The following PPEF1 variants were observed in gnomAD, a reference collection of about 807,000 sequenced individuals.
The protein encoded by PPEF1 is protein phosphatase with EF-hand domain 1.
Under a neutral mutation model 53.3 loss-of-function variants are expected in PPEF1, and 12 were observed. That is an observed-to-expected ratio of 0.23 (90% confidence interval 0.14 to 0.36). PPEF1 has a LOEUF of 0.36. Among genes scored for constraint, PPEF1 ranks in the 10% least tolerant of loss-of-function variants. The pLI is 1.00. For missense variants in PPEF1, 334 were observed against 490.4 expected (o/e 0.68, Z 3.01); for synonymous variants, 165 against 176.7 (o/e 0.93, Z 0.52).
intron 10 of PPEF1, among the ~76,000 whole-genome samples, chrX:18,792,370 T>A (rs1371912899): frequency 8.9e-6 from 1 of 112,161 alleles, no homozygotes; most frequent in Non-Finnish European, 1.9e-5. Context: ...TGTATTCAAG[T>A]TTTTTGTTTC....
At chrX:18,814,324 T>C (rs981597123) in intron 12 of PPEF1, among the ~76,000 whole-genome samples, 1 of 111,798 alleles carries the variant, frequency 8.9e-6, no homozygotes, top group Non-Finnish European at 1.9e-5. Flanking sequence ...GTGTTTTTGG[T>C]ACAATGATTT....
intron 3 of PPEF1, among the ~76,000 whole-genome samples, chrX:18,745,147 T>TA (rs1172927593): frequency 1.0e-5 from 1 of 95,400 alleles, no homozygotes; most frequent in African/African-American, 3.9e-5. Context: ...ATTATATATA[T>TA]TATATATTAT....
At chrX:18,681,472 G>T (rs1207550264), upstream of PPEF1, among the ~76,000 whole-genome samples, 2 of 111,454 alleles carry the variant, frequency 1.8e-5, no homozygotes, top group Non-Finnish European at 3.8e-5. Flanking sequence ...TGTTGAGGGT[G>T]ACTCAAGCCA....
intron 6 of PPEF1, among the ~76,000 whole-genome samples, chrX:18,767,941 G>A (rs911225247): frequency 1.9e-4 from 21 of 111,050 alleles, no homozygotes; most frequent in African/African-American, 6.5e-4. Flanking sequence ...TGATTGCTTC[G>A]GGAAATGGTA....
chrX:18,712,311 AT>A (rs1407651428), intron 1 of PPEF1, among the ~76,000 whole-genome samples: 1 of 111,733 alleles, frequency 8.9e-6, no homozygotes, highest in Non-Finnish European at 1.9e-5. Flanking sequence ...CTTTCCATCT[AT>A]TTAGATCTTT....
At chrX:18,741,147 A>G (rs1451370076) in intron 3 of PPEF1, among the ~76,000 whole-genome samples, 2 of 111,914 alleles carry the variant, frequency 1.8e-5, no homozygotes, top group African/African-American at 6.5e-5. Context: ...AGTGGGTGGA[A>G]GTGGGTACTT....
intron 1 of PPEF1, among the ~76,000 whole-genome samples, chrX:18,727,567 C>A (rs952925438): frequency 2.7e-5 from 3 of 110,387 alleles, no homozygotes; most frequent in African/African-American, 9.9e-5. Context: ...CTGCACACAC[C>A]AAGCAGCAGA....
At chrX:18,720,546 C>T (rs961903639) in intron 1 of PPEF1, among the ~76,000 whole-genome samples, 1 of 110,150 alleles carries the variant, frequency 9.1e-6, no homozygotes, top group Non-Finnish European at 1.9e-5. Context: ...GAGCCAAGAT[C>T]GCGCCACTGC....
At chrX:18,793,965 TC>T (rs1305912155) in intron 10 of PPEF1, among the ~76,000 whole-genome samples, 1 of 111,678 alleles carries the variant, frequency 9.0e-6, no homozygotes, top group Non-Finnish European at 1.9e-5. Flanking sequence ...TTAATTGGGC[TC>T]TCTTTGACTG....
chrX:18,718,623 A>G (rs1440444791), intron 1 of PPEF1, among the ~76,000 whole-genome samples: 1 of 111,524 alleles, frequency 9.0e-6, no homozygotes, highest in Non-Finnish European at 1.9e-5. Context: ...CACACAACAC[A>G]ACACAAAACC....
At chrX:18,787,896 G>A (rs1478667575) in intron 9 of PPEF1, among the ~76,000 whole-genome samples, 1 of 111,893 alleles carries the variant, frequency 8.9e-6, no homozygotes, top group Non-Finnish European at 1.9e-5. Flanking sequence ...GGTAGGCTGT[G>A]AACTAGCTAG....
upstream of PPEF1, among the ~76,000 whole-genome samples, chrX:18,705,314 G>C (rs905811711): frequency 1.8e-5 from 2 of 112,222 alleles, no homozygotes. Flanking sequence ...CTGGAGGATG[G>C]TTTGGAGTGG....
intron 4 of PPEF1, among the ~76,000 whole-genome samples, chrX:18,697,434 G>A (rs754587644): frequency 9.0e-6 from 1 of 110,721 alleles, no homozygotes; most frequent in African/African-American, 3.3e-5. Flanking sequence ...GTTAAGTACT[G>A]TAGAATATGC....
At chrX:18,786,801 GA>G (rs1219591173) in intron 9 of PPEF1, among the ~76,000 whole-genome samples, 10 of 34,304 alleles carry the variant, frequency 2.9e-4, no homozygotes, top group Non-Finnish European at 6.1e-4. Context: ...AAAAAAAAAA[GA>G]AAAGAAAAGA....
At chrX:18,774,659 C>A (rs1320521004) in intron 6 of PPEF1, among the ~76,000 whole-genome samples, 5 of 112,362 alleles carry the variant, frequency 4.4e-5, no homozygotes, top group Admixed American at 2.8e-4. Flanking sequence ...GATAGTTGAT[C>A]TCTTTACACA....
upstream of PPEF1, chrX:18,675,839 C>G (rs970437850): frequency 1.8e-5 from 2 of 108,294 alleles, no homozygotes; most frequent in African/African-American, 3.4e-5. Flanking sequence ...AAGGGTGATT[C>G]TTGTTTTTCA....
At chrX:18,715,660 AC>A (rs2044436448) in intron 1 of PPEF1, among the ~76,000 whole-genome samples, 1 of 112,137 alleles carries the variant, frequency 8.9e-6, no homozygotes, top group African/African-American at 3.2e-5. Context: ...ATTATTTCTT[AC>A]CAAAACTCTT....
intron 13 of PPEF1, 96 bp downstream of exon 13, chrX:18,818,241 C>A: frequency 2.1e-6 from 1 of 483,081 alleles, no homozygotes; most frequent in Non-Finnish European, 3.3e-6. Context: ...TTCAGTTCTC[C>A]ATTTTTACTA....
intron 6 of PPEF1, among the ~76,000 whole-genome samples, chrX:18,773,558 T>G (rs2045909883): frequency 2.7e-5 from 3 of 112,309 alleles, no homozygotes; most frequent in African/African-American, 9.7e-5. Context: ...TATTTGAAAT[T>G]TTTTCTTCTA....
Sources: gnomAD v4.1 joint callset for allele counts (sites outside exome capture counted in the v4.1 genomes callset) on GRCh38, gnomAD v4.1.1 for gene constraint, MANE v1.5 for transcripts, NCBI Gene and HGNC (gene_info 2026-07-23, HGNC 2026-07-21) for gene names.